Variants in ODR4 observed in about 807,000 individuals in gnomAD.
ODR4 encodes the protein protein odr-4 homolog.
In ODR4, 47 loss-of-function variants were observed where a neutral mutation model predicts 60.2. The ratio of observed to expected loss-of-function variants is 0.78; its 90% confidence interval spans 0.62 to 1.00. The LOEUF is 1.00. Among genes scored for constraint, ODR4 ranks in the 50% least tolerant of loss-of-function variants. The pLI is 0.00. For synonymous variants in ODR4, 178 were observed against 175.5 expected (o/e 1.01, Z -0.11); for missense variants, 488 against 530.8 (o/e 0.92, Z 0.79).
At chr1:186,377,985 C>T (rs529795658) in intron 1 of ODR4, among the ~76,000 whole-genome samples, 22 of 151,562 alleles carry the variant, frequency 1.5e-4, no homozygotes, top group Non-Finnish European at 2.6e-4. Context: ...GTGGAGCTTG[C>T]ATTGAGCCGA....
intron 11 of ODR4, among the ~76,000 whole-genome samples, chr1:186,401,996 T>G (rs78542216): frequency 0.017 from 2,594 of 152,152 alleles, 78 homozygotes; most frequent in African/African-American, 0.059. Flanking sequence ...TCTTTGGAGA[T>G]TTTTCATTAC....
At chr1:186,402,320 TCTC>T (rs1390305177) in intron 11 of ODR4, among the ~76,000 whole-genome samples, 2 of 149,892 alleles carry the variant, frequency 1.3e-5, no homozygotes, top group Non-Finnish European at 3.0e-5. Flanking sequence ...TCTTTTCTCC[TCTC>T]CTCTTCCTCT....
rs1352063757 is a variant in ODR4 at position 186,419,369 on chromosome 1, A to C, written c.*293A>C. On this transcript the variant is annotated 3_prime_UTR_variant, in exon 14 of 14. Transcript: ENST00000287859. ...AGCTTCAAAATGATGGGATATGATC[A>C]TAGATTTTAGTCTTACTAATCTGAA... The C allele has an allele frequency of 5.3e-6, 2 of 374,666 alleles. No homozygotes were observed. The highest frequency in any genetic ancestry group is 4.1e-5 in the Admixed American group (1 of 24,616). 23.2% of individuals were successfully genotyped at this position (374,666 alleles called of 1,614,324 possible). A position where few individuals can be genotyped will look rare whatever the true frequency, so the allele number is the denominator to read the frequency against.
chr1:186,381,332 C>CTTTTTTTTTTTTTTTTTTTTT (rs752239468), intron 2 of ODR4, among the ~76,000 whole-genome samples: 4 of 144,600 alleles, frequency 2.8e-5, no homozygotes, highest in African/African-American at 1.0e-4. Context: ...GGCCTTCCTT[C>CTTTTTTTTTTTTTTTTTTTTT]TTTTTTTTTT....
the ODR4 span, among the ~76,000 whole-genome samples, chr1:186,429,249 G>GACACACTGAGACTCTGTCTC: frequency 6.6e-6 from 1 of 151,702 alleles, no homozygotes; most frequent in African/African-American, 2.4e-5. Context: ...GAGCCTGGGT[G>GACACACTGAGACTCTGTCTC]ACACACTGAG....
intron 9 of ODR4, among the ~76,000 whole-genome samples, chr1:186,394,977 C>T (rs1660614370): frequency 6.6e-6 from 1 of 152,108 alleles, no homozygotes; most frequent in South Asian, 2.1e-4. Context: ...GTTTATTAAA[C>T]AATTTGGTTA....
At chr1:186,391,620 G>A in intron 7 of ODR4, 76 bp from the exon 8 acceptor site, 1 of 893,790 alleles carries the variant, frequency 1.1e-6, no homozygotes, top group Non-Finnish European at 1.8e-6. Context: ...TTATTAGGTG[G>A]AACAAAGTAG....
chr1:186,428,646 G>A, the ODR4 span, among the ~76,000 whole-genome samples: 1 of 152,120 alleles, frequency 6.6e-6, no homozygotes. Context: ...CTTGTCTTTC[G>A]ACATGCCTTC....
At chr1:186,416,333 C>T (rs990717005) in intron 12 of ODR4, among the ~76,000 whole-genome samples, 14 of 151,556 alleles carry the variant, frequency 9.2e-5, no homozygotes, top group African/African-American at 2.7e-4. Flanking sequence ...GTCAGGAGTC[C>T]GAGACCAGCC....
chr1:186,409,192 C>CA (rs58735021), intron 12 of ODR4, among the ~76,000 whole-genome samples: 21,528 of 110,960 alleles, frequency 0.19, 1,734 homozygotes, highest in Admixed American at 0.3. Context: ...GACCCTGTCT[C>CA]AAAAAAAAAA....
At chr1:186,422,164 G>T (rs527836267), downstream of ODR4, among the ~76,000 whole-genome samples, 4 of 152,000 alleles carry the variant, frequency 2.6e-5, no homozygotes, top group African/African-American at 9.6e-5. Context: ...TTTTTTAAAT[G>T]AAGTAGGTAA....
In ODR4 at chr1:186,394,058, C is replaced by T; in HGVS notation, c.780+43C>T. On this transcript the variant is annotated intron_variant, in intron 9 of 13. Transcript: ENST00000287859. Reference sequence around the variant, plus strand: ...ACACTTAAAATATTTATTAGCATAACCATAATGAAACTGTTTCTGTTTTTA... The same window carrying T: ...ACACTTAAAATATTTATTAGCATAATCATAATGAAACTGTTTCTGTTTTTA... 4 of 1,063,808 alleles carry T rather than the reference C, an allele frequency of 3.8e-6. 1 individual carries two copies. The highest frequency in any genetic ancestry group is 5.5e-6 in the Non-Finnish European group (4 of 726,680). 65.9% of individuals were successfully genotyped at this position (1,063,808 alleles called of 1,614,324 possible).
At chr1:186,406,335 A>G in intron 12 of ODR4, 67 bp downstream of exon 12, 1 of 1,180,676 alleles carries the variant, frequency 8.5e-7, no homozygotes, top group Admixed American at 2.7e-5. Flanking sequence ...TGAGATGTCT[A>G]GTTTAAATAT....
At chr1:186,402,187 ATTCTTTCTTTCT>A (rs71104857) in intron 11 of ODR4, among the ~76,000 whole-genome samples, 37 of 135,528 alleles carry the variant, frequency 2.7e-4, no homozygotes, top group African/African-American at 9.4e-4. Context: ...TAGGCATCCT[ATTCTTTCTTTCT>A]TTCTTTCTTT....
the ODR4 span, among the ~76,000 whole-genome samples, chr1:186,431,278 G>T: frequency 6.7e-3 from 1,022 of 152,248 alleles, 14 homozygotes; most frequent in African/African-American, 0.022. Context: ...AAGAAGTATT[G>T]CAAAGAATGG....
Position 186,421,021 on chromosome 1 carries a change from ACAGT to A in ODR4, c.*1948_*1951del, listed in dbSNP as rs1571708705. On this transcript the variant is annotated 3_prime_UTR_variant, in exon 14 of 14. Transcript: ENST00000287859. ...GGAGAAAAAGATCAGTGAAAGCAAG[ACAGT>A]CAAATACTTAGTAGGCTTCCTAACA... is the stretch of plus-strand genomic sequence containing the variant. The A allele has an allele frequency of 6.6e-6, 1 of 152,194 alleles. No homozygotes were observed. The highest frequency in any genetic ancestry group is 2.4e-5 in the African/African-American group (1 of 41,460). 9.4% of individuals were successfully genotyped at this position (152,194 alleles called of 1,614,324 possible). A position where few individuals can be genotyped will look rare whatever the true frequency, so the allele number is the denominator to read the frequency against.
chr1:186,378,055 A>AAC (rs1558054286), intron 1 of ODR4, among the ~76,000 whole-genome samples: 1 of 151,804 alleles, frequency 6.6e-6, no homozygotes, highest in African/African-American at 2.4e-5. Context: ...AAAAAACAAA[A>AAC]AAAAAAAAGA....
the ODR4 span, among the ~76,000 whole-genome samples, chr1:186,434,287 T>C: frequency 6.6e-6 from 1 of 152,210 alleles, no homozygotes; most frequent in Admixed American, 6.5e-5. Context: ...ATCTTGCTTT[T>C]CTGTATCCTT....
In ODR4 at chr1:186,406,051, C is replaced by T. The variant is rs760548064; in HGVS notation, c.1001-32C>T. The T allele has an allele frequency of 6.3e-6, 9 of 1,420,760 alleles. No homozygotes were observed. The East Asian group carries it at 1.7e-4, about 27-fold the overall frequency. 88.0% of individuals were successfully genotyped at this position (1,420,760 alleles called of 1,614,324 possible). On this transcript the variant is annotated intron_variant, in intron 11 of 13. Transcript: ENST00000287859. Reference sequence around the variant, plus strand: ...TCACTGATACCAGTGACAAACCTATCTAAATATTGATAATATTTCTTTTCC... The same window carrying T: ...TCACTGATACCAGTGACAAACCTATTTAAATATTGATAATATTTCTTTTCC...
Sources: allele counts gnomAD v4.1 joint callset (sites outside exome capture counted in the v4.1 genomes callset), GRCh38; gene constraint gnomAD v4.1.1; transcripts MANE v1.5; gene names NCBI Gene and HGNC (gene_info 2026-07-23, HGNC 2026-07-21).